Variants in SHANK2 observed in about 807,000 individuals in gnomAD.
SHANK2 encodes SH3 and multiple ankyrin repeat domains protein 2.
A neutral mutation model predicts 133.7 loss-of-function variants in SHANK2; 43 were observed. The ratio of observed to expected loss-of-function variants is 0.32; its 90% CI spans 0.25 to 0.41. The LOEUF (loss-of-function observed/expected upper bound fraction) is 0.41, where lower values mean the gene tolerates loss of function less well. Ranked by LOEUF, SHANK2 falls within the 10% of genes least tolerant of loss-of-function variation. The pLI is 1.00. For missense variants in SHANK2, 1,994 were observed against 2,235.8 expected (o/e 0.89, Z 2.18); for synonymous variants, 1,017 against 952.8 (o/e 1.07, Z -1.24).
At position 70,781,562 on chromosome 11, in the gene SHANK2, A is replaced by ATATATATATATAT. The variant is rs1268671661; in HGVS notation, c.1777+16868_1777+16880dup. On this transcript the variant is annotated intron_variant, in intron 14 of 25. Coordinates refer to ENST00000601538, the MANE Select transcript of SHANK2 (RefSeq NM_012309.5). ...AGCTTGCAATTTACTTACTTATTAT[A>ATATATATATATAT]TATATATATATATATATATATTTAC... 9.3e-4 allele frequency among the ~76,000 whole-genome samples: 75 copies of ATATATATATATAT among 81,036 alleles called. 3 individuals are homozygous for ATATATATATATAT. Among genetic ancestry groups the ATATATATATATAT allele is most frequent in the Middle Eastern group, 9.8e-3 (1 of 102 alleles). 53.2% of individuals were successfully genotyped at this position (81,036 alleles called of 152,430 possible). A position where few individuals can be genotyped will look rare whatever the true frequency, so the allele number is the denominator to read the frequency against.
At chr11:70,861,822 C>A (rs549887943) in intron 11 of SHANK2, among the ~76,000 whole-genome samples, 4 of 152,164 alleles carry the variant, frequency 2.6e-5, no homozygotes, top group Non-Finnish European at 5.9e-5. Context: ...CAGAGCTAGA[C>A]AATAAATAAG....
chr11:70,489,537 C>T (rs531029099), intron 23 of SHANK2, 189 bp from the exon 24 acceptor site: 2 of 658,198 alleles, frequency 3.0e-6, no homozygotes, highest in Non-Finnish European at 2.8e-6. Flanking sequence ...GCACAGCAGC[C>T]CAGAGGCATT....
chr11:70,699,103 C>T (rs1945465596), intron 14 of SHANK2, among the ~76,000 whole-genome samples: 2 of 152,294 alleles, frequency 1.3e-5, no homozygotes, highest in South Asian at 4.1e-4. Context: ...CAGGGCAGCC[C>T]GCTTGGCTCA....
chr11:71,201,049 C>T (rs545371964), intron 2 of SHANK2, among the ~76,000 whole-genome samples: 18 of 152,232 alleles, frequency 1.2e-4, no homozygotes, highest in African/African-American at 3.6e-4. Flanking sequence ...CGACCTCCCC[C>T]GAGCCATCAA....
intron 11 of SHANK2, among the ~76,000 whole-genome samples, chr11:70,847,557 A>C (rs1325886517): frequency 6.6e-6 from 1 of 152,202 alleles, no homozygotes; most frequent in East Asian, 1.9e-4. Flanking sequence ...TTAATTTAAA[A>C]TTGCTCTGGA....
chr11:71,139,505 TAATAA>T (rs1270091307), intron 3 of SHANK2, among the ~76,000 whole-genome samples: 1 of 151,858 alleles, frequency 6.6e-6, no homozygotes, highest in African/African-American at 2.4e-5. Context: ...AGTATAATAA[TAATAA>T]AATAAAATAA....
intron 2 of SHANK2, among the ~76,000 whole-genome samples, chr11:71,183,439 G>A (rs1041725024): frequency 5.3e-5 from 8 of 150,550 alleles, no homozygotes; most frequent in African/African-American, 2.0e-4. Context: ...CCAAGACTCT[G>A]GCATGCTTTA....
rs1003402516 is a variant in SHANK2 at position 70,776,984 on chromosome 11, C to T, written c.1777+21459G>A. On this transcript the variant is annotated intron_variant, in intron 14 of 25. Transcript: ENST00000601538. ...ACCTACTAACCCATTTATCCATCTACTCAGCCACCCTTCTGTCCTCCAACC... is the reference window on the plus strand; with the variant it reads ...ACCTACTAACCCATTTATCCATCTATTCAGCCACCCTTCTGTCCTCCAACC... Among the ~76,000 whole-genome samples, 42 of 151,004 alleles carry T rather than the reference C, an allele frequency of 2.8e-4. 2 individuals are homozygous for T. Among genetic ancestry groups the T allele is most frequent in the Admixed American group, 2.5e-3 (38 of 15,128 alleles).
In SHANK2 at chr11:71,188,839, CT is replaced by C. The variant is rs1953729373; in HGVS notation, c.-13+35857del. ...TACGTGGTTTCTCAGGGACCCTGAC[CT>C]TCTCTCTAGCAGGGGTCACCCCTCA... On this transcript the variant is annotated intron_variant, in intron 2 of 25. Transcript: ENST00000601538. The surrounding 1 kb of genome is among the most constrained non-coding windows in gnomAD (Gnocchi z 4.6). Among the ~76,000 whole-genome samples, 1 of 152,218 alleles carries C rather than the reference CT, an allele frequency of 6.6e-6. No homozygotes were observed. Among genetic ancestry groups the C allele is most frequent in the African/African-American group, 2.4e-5 (1 of 41,458 alleles).
chr11:71,149,528 C>T (rs1181587987), intron 2 of SHANK2, among the ~76,000 whole-genome samples: 17 of 150,290 alleles, frequency 1.1e-4, no homozygotes, highest in African/African-American at 2.2e-4. Flanking sequence ...TCTTCACTGA[C>T]GGGTGCTCTA....
intron 17 of SHANK2, among the ~76,000 whole-genome samples, chr11:70,521,279 C>T (rs1236915258): frequency 6.6e-6 from 1 of 152,196 alleles, no homozygotes; most frequent in South Asian, 2.1e-4. Flanking sequence ...TACTTTCAGA[C>T]TAACACCACC....
intron 14 of SHANK2, among the ~76,000 whole-genome samples, chr11:70,723,481 C>G (rs1256986546): frequency 1.3e-5 from 2 of 152,132 alleles, no homozygotes; most frequent in African/African-American, 4.8e-5. Context: ...CTGCCAACAA[C>G]CTGTGAGAGC....
In SHANK2 at chr11:70,513,088, G is replaced by A. The variant is rs187729808; in HGVS notation, c.2062-10157C>T. Among the ~76,000 whole-genome samples the A allele has an allele frequency of 1.1e-3, 174 of 152,120 alleles. 1 individual carries two copies. The highest frequency in any genetic ancestry group is 2.0e-3 in the Non-Finnish European group (135 of 68,008). On this transcript the variant is annotated intron_variant, in intron 17 of 25. Transcript: ENST00000601538. ...TCTGAAGAGTGAACAAAGACAGGCA[G>A]ATTTTAGATGAGAGTTGAAAATTAG...
At chr11:70,948,893 T>G (rs1950793749) in intron 10 of SHANK2, among the ~76,000 whole-genome samples, 1 of 152,174 alleles carries the variant, frequency 6.6e-6, no homozygotes, top group Non-Finnish European at 1.5e-5. Flanking sequence ...AAAATTAAAT[T>G]TTAACATCTG....
Position 70,790,689 on chromosome 11 carries a change from G to A in SHANK2, c.1777+7754C>T, listed in dbSNP as rs942565883. 3.9e-5 allele frequency among the ~76,000 whole-genome samples: 6 copies of A among 152,082 alleles called. No homozygotes were observed. The South Asian group carries it at 8.3e-4, about 21-fold the overall frequency. ...TTGAAATGAGTCTCTTAATACATACGCTCTATCTGTATCTACATCTGTGTC... is the reference window on the plus strand; with the variant it reads ...TTGAAATGAGTCTCTTAATACATACACTCTATCTGTATCTACATCTGTGTC... On this transcript the variant is annotated intron_variant, in intron 14 of 25. Coordinates refer to ENST00000601538, the MANE Select transcript of SHANK2 (RefSeq NM_012309.5).
intron 6 of SHANK2, among the ~76,000 whole-genome samples, chr11:71,103,326 T>C (rs1951748793): frequency 6.6e-6 from 1 of 152,176 alleles, no homozygotes; most frequent in Non-Finnish European, 1.5e-5. Flanking sequence ...GCTATCACTC[T>C]TTAAGTGCCC....
At chr11:70,864,423 C>T (rs1949318131) in intron 11 of SHANK2, 1 of 152,778 alleles carries the variant, frequency 6.5e-6, no homozygotes, top group African/African-American at 2.4e-5. Flanking sequence ...GGGACTTCCC[C>T]ATTAAGTCAT....
rs1242914558 is a variant in SHANK2, at chr11:71,109,924, C to T, written c.592+17G>A. ...CTTCCGTAAAGCCTGGTAAGGTCCC[C>T]TCTAGCAAGTGCTCACCTCCGGTCT... On this transcript the variant is annotated intron_variant, in intron 6 of 25. Transcript: ENST00000601538. The T allele has an allele frequency of 3.3e-6, 5 of 1,511,794 alleles. No individual in the cohort carries two copies. The Admixed American group carries it at 9.8e-5, about 30-fold the overall frequency. The allele number at this position is 1,511,794 out of a possible 1,614,324, so 93.6% of individuals were successfully genotyped here.
intron 17 of SHANK2, among the ~76,000 whole-genome samples, chr11:70,533,727 G>GCAC (rs782240538): frequency 1.1e-4 from 17 of 152,066 alleles, no homozygotes; most frequent in Non-Finnish European, 2.1e-4. Context: ...TGTTGTGCAA[G>GCAC]CACCACCTCT....
Sources: gnomAD v4.1 joint callset for allele counts (sites outside exome capture counted in the v4.1 genomes callset) on GRCh38, gnomAD v4.1.1 for gene constraint, Gnocchi (gnomAD v3.1) non-coding constraint, MANE v1.5 for transcripts, NCBI Gene and HGNC (gene_info 2026-07-23, HGNC 2026-07-21) for gene names.